Variants in PTGDR observed in about 807,000 individuals in gnomAD.
PTGDR encodes PGD2 receptor.
A neutral mutation model predicts 17.4 loss-of-function variants in PTGDR; 19 were observed. The ratio of observed to expected loss-of-function variants is 1.09; its 90% CI spans 0.76 to 1.60. The LOEUF is 1.60. PTGDR is among the 40% of genes most tolerant of loss of function. PTGDR has a pLI of 0.00. For missense variants in PTGDR, 526 were observed against 481.9 expected (o/e 1.09, Z -0.86); for synonymous variants, 267 against 224.2 (o/e 1.19, Z -1.71).
At position 52,267,902 on chromosome 14, in the gene PTGDR, G is replaced by A. The variant is rs756686067; in HGVS notation, c.88G>A (p.Gly30Ser). 8.7e-6 allele frequency: 14 copies of A among 1,609,672 alleles called. No individual in the cohort carries two copies. In the Admixed American group the frequency reaches 1.3e-4, roughly 15 times the overall value. Residue 30 changes from glycine to serine, a missense_variant, in exon 1 of 2, where the codon GGC becomes AGC. Gly to Ser is a moderately conservative substitution (Grantham distance 56). Transcript: ENST00000306051. ...GATGGGCGGGGTGCTCTTCAGCACCGGCCTCCTGGGCAACCTGCTGGCCCT... is the reference window on the plus strand; with the variant it reads ...GATGGGCGGGGTGCTCTTCAGCACCAGCCTCCTGGGCAACCTGCTGGCCCT... ...AVMGGVLFST[G>S]LLGNLLALGL...
At chr14:52,279,959 G>T (rs1244893343), downstream of PTGDR, among the ~76,000 whole-genome samples, 1 of 151,850 alleles carries the variant, frequency 6.6e-6, no homozygotes, top group African/African-American at 2.4e-5. Flanking sequence ...TTTAGGCAAA[G>T]CATAGGGTCC....
downstream of PTGDR, among the ~76,000 whole-genome samples, chr14:52,278,238 C>A (rs1269884947): frequency 6.6e-6 from 1 of 152,186 alleles, no homozygotes; most frequent in African/African-American, 2.4e-5. Context: ...CAATGATAGA[C>A]TGGATTAAGA....
downstream of PTGDR, among the ~76,000 whole-genome samples, chr14:52,277,403 T>C (rs1025108321): frequency 3.3e-5 from 5 of 152,186 alleles, no homozygotes; most frequent in East Asian, 1.9e-4. Context: ...AAAATACATA[T>C]GGTTAATAAA....
chr14:52,274,792 C>G lies in PTGDR; in HGVS notation c.908C>G (p.Ala303Gly), dbSNP rs199665512. ...GAGAAAAACAGGACCTCTGAAGAAG[C>G]AGAAGACCTCCGAGCCTTGCGATTT... is the stretch of plus-strand genomic sequence containing the variant. Reference protein sequence around the residue: ...VKEKNRTSEEAEDLRALRFLS... With the variant: ...VKEKNRTSEEGEDLRALRFLS... Residue 303 changes from alanine (A) to glycine (G), a missense_variant, in exon 2 of 2, where the codon GCA becomes GGA. Physicochemically the swap from Ala to Gly is moderately conservative, Grantham distance 60. Coordinates refer to ENST00000306051, the MANE Select transcript of PTGDR (RefSeq NM_000953.3). 6.2e-6 allele frequency: 10 copies of G among 1,613,756 alleles called. No individual in the cohort carries two copies. Among genetic ancestry groups the G allele is most frequent in the Admixed American group, 1.7e-5 (1 of 60,000 alleles).
rs565512302 is a variant in PTGDR, at chr14:52,275,160, G to C, written c.*196G>C. 1 of 518,664 alleles carries C rather than the reference G, an allele frequency of 1.9e-6. No homozygotes were observed. The highest frequency in any genetic ancestry group is 3.0e-5 in the South Asian group (1 of 33,482). The allele number at this position is 518,664 out of a possible 1,614,324, so 32.1% of individuals were successfully genotyped here. A position where few individuals can be genotyped will look rare whatever the true frequency, so the allele number is the denominator to read the frequency against. On this transcript the variant is annotated 3_prime_UTR_variant, in exon 2 of 2. Coordinates refer to ENST00000306051, the MANE Select transcript of PTGDR (RefSeq NM_000953.3). ...CATTCTATAGTCATGAACCCCTTCA[G>C]TGCATTTTCATTTTTTTATTAACAG...
At position 52,274,989 on chromosome 14, in the gene PTGDR, C is replaced by G. The variant is rs372958485; in HGVS notation, c.*25C>G. ...ACAGTGTTTTTCACTCTGTGGTAAG[C>G]TGAGGAATATGTCACATTTTCAGTC... On this transcript the variant is annotated 3_prime_UTR_variant, in exon 2 of 2. Coordinates refer to ENST00000306051, the MANE Select transcript of PTGDR (RefSeq NM_000953.3). The G allele has an allele frequency of 7.6e-6, 11 of 1,446,402 alleles. No homozygotes were observed. In the African/African-American group the frequency reaches 9.9e-5, roughly 13 times the overall value. 89.6% of individuals were successfully genotyped at this position (1,446,402 alleles called of 1,614,324 possible).
chr14:52,268,085 C>G lies in PTGDR; in HGVS notation c.271C>G (p.Arg91Gly). 1 of 1,613,774 alleles carries G rather than the reference C, an allele frequency of 6.2e-7. No homozygotes were observed. The highest frequency in any genetic ancestry group is 8.5e-7 in the Non-Finnish European group (1 of 1,180,052). Residue 91 changes from arginine to glycine, a missense_variant, in exon 1 of 2, where the codon CGG becomes GGG. Transcript: ENST00000306051. Reference sequence around the variant, plus strand: ...GGTGCTGGCTGCCTACGCTCAGAACCGGAGTCTGCGGGTGCTTGCGCCCGC... The same window carrying G: ...GGTGCTGGCTGCCTACGCTCAGAACGGGAGTCTGCGGGTGCTTGCGCCCGC... Reference protein sequence around the residue: ...PVVLAAYAQNRSLRVLAPALD... With the variant: ...PVVLAAYAQNGSLRVLAPALD...
downstream of PTGDR, among the ~76,000 whole-genome samples, chr14:52,277,773 T>C (rs776109823): frequency 9.2e-5 from 14 of 152,182 alleles, no homozygotes; most frequent in Non-Finnish European, 1.8e-4. Flanking sequence ...ATCTCTTGGG[T>C]GGGGCCAGCA....
chr14:52,277,517 CAG>C (rs41315118), downstream of PTGDR, among the ~76,000 whole-genome samples: 1 of 152,278 alleles, frequency 6.6e-6, no homozygotes, highest in African/African-American at 2.4e-5. Flanking sequence ...CTCTCAATAA[CAG>C]AGGTTATTCA....
downstream of PTGDR, among the ~76,000 whole-genome samples, chr14:52,277,287 A>G (rs1364187514): frequency 6.6e-6 from 1 of 152,198 alleles, no homozygotes; most frequent in Non-Finnish European, 1.5e-5. Flanking sequence ...TAGGGTTGTC[A>G]GGAGAACTTC....
In PTGDR at chr14:52,267,771, C is replaced by A; in HGVS notation, c.-44C>A. ...CTTAGCACCCGGGCGCCGGGGCCCTCGCCCTTCCGCAGCCTTCACTCCAGC... is the reference window on the plus strand; with the variant it reads ...CTTAGCACCCGGGCGCCGGGGCCCTAGCCCTTCCGCAGCCTTCACTCCAGC... On this transcript the variant is annotated 5_prime_UTR_variant, in exon 1 of 2. Transcript: ENST00000306051. The A allele has an allele frequency of 6.7e-7, 1 of 1,498,118 alleles. No individual in the cohort carries two copies. The highest frequency in any genetic ancestry group is 1.4e-5 in the South Asian group (1 of 72,702). 92.8% of individuals were successfully genotyped at this position (1,498,118 alleles called of 1,614,324 possible).
At chr14:52,280,412 C>T (rs1001329194), downstream of PTGDR, among the ~76,000 whole-genome samples, 11 of 152,122 alleles carry the variant, frequency 7.2e-5, no homozygotes, top group African/African-American at 2.2e-4. Flanking sequence ...CAAACAGAAA[C>T]GTCAAGCTGG....
chr14:52,269,490 A>G, intron 1 of PTGDR: 3 of 1,535,360 alleles, frequency 2.0e-6, no homozygotes, highest in Non-Finnish European at 2.6e-6. Context: ...ACCTGGGAGT[A>G]GGTGAGGCTT....
At position 52,268,094 on chromosome 14, in the gene PTGDR, C is replaced by T; in HGVS notation, c.280C>T (p.Arg94Trp). The T allele has an allele frequency of 1.9e-6, 3 of 1,613,758 alleles. No individual in the cohort carries two copies. Among genetic ancestry groups the T allele is most frequent in the South Asian group, 1.1e-5 (1 of 91,090 alleles). ...TGCCTACGCTCAGAACCGGAGTCTG[C>T]GGGTGCTTGCGCCCGCATTGGACAA... ...LAAYAQNRSLRVLAPALDNSL... is the reference protein window; with the variant it reads ...LAAYAQNRSLWVLAPALDNSL... The change falls in exon 1 of 2, where the codon CGG becomes TGG. Residue 94 changes from arginine to tryptophan, a missense_variant. By Grantham distance (101) the Arg-to-Trp change is moderately radical (BLOSUM62 -3). Transcript: ENST00000306051.
rs761437278 is a variant in PTGDR, at chr14:52,267,958, G to A, written c.144G>A (p.Trp48Ter). 3 of 1,609,630 alleles carry A rather than the reference G, an allele frequency of 1.9e-6. No homozygotes were observed. Among genetic ancestry groups the A allele is most frequent in the Middle Eastern group, 1.7e-4 (1 of 6,040 alleles). ...LGLLARSGLG[W>*]CSRRPLRPLP... ...TGCTGGCGCGCTCGGGGCTGGGGTG[G>A]TGCTCGCGGCGTCCACTGCGCCCGC... Residue 48 changes from tryptophan to a stop codon, truncating the protein, a stop_gained, in exon 1 of 2, where the codon TGG (tryptophan) becomes TGA (stop). Transcript: ENST00000306051. LOFTEE classifies it high-confidence loss of function.
intron 1 of PTGDR, among the ~76,000 whole-genome samples, chr14:52,274,346 G>T (rs2140008442): frequency 6.6e-6 from 1 of 152,344 alleles, no homozygotes; most frequent in African/African-American, 2.4e-5. Context: ...AAGAAAGTAA[G>T]TGCAAGGACA....
chr14:52,270,677 G>A (rs1350731211), intron 1 of PTGDR, among the ~76,000 whole-genome samples: 2 of 152,110 alleles, frequency 1.3e-5, no homozygotes, highest in African/African-American at 4.8e-5. Context: ...ACCTAAAATA[G>A]TTACTATCTG....
At chr14:52,268,868 G>A (rs4901264) in intron 1 of PTGDR, among the ~76,000 whole-genome samples, 5,042 of 152,264 alleles carry the variant, frequency 0.033, 110 homozygotes, top group African/African-American at 0.058. Flanking sequence ...GGGAAAGTTA[G>A]AGAAAGGAAG....
In PTGDR at chr14:52,275,193, A is replaced by G; in HGVS notation, c.*229A>G. ...TCATTTTTTTATTAACAGCAACTAAAATTTTATATATTGTAACCAGTGTTA... is the reference window on the plus strand; with the variant it reads ...TCATTTTTTTATTAACAGCAACTAAGATTTTATATATTGTAACCAGTGTTA... On this transcript the variant is annotated 3_prime_UTR_variant, in exon 2 of 2. Transcript: ENST00000306051. 1 of 453,656 alleles carries G rather than the reference A, an allele frequency of 2.2e-6. No homozygotes were observed. Among genetic ancestry groups the G allele is most frequent in the South Asian group, 3.0e-5 (1 of 33,002 alleles). The allele number at this position is 453,656 out of a possible 1,614,324, so 28.1% of individuals were successfully genotyped here. A position where few individuals can be genotyped will look rare whatever the true frequency, so the allele number is the denominator to read the frequency against.
Sources: allele counts gnomAD v4.1 joint callset (sites outside exome capture counted in the v4.1 genomes callset), GRCh38; gene constraint gnomAD v4.1.1; transcripts MANE v1.5; gene names NCBI Gene and HGNC (gene_info 2026-07-23, HGNC 2026-07-21).